The following CDH16 variants were observed in gnomAD, a reference collection of about 807,000 sequenced individuals.
The protein encoded by CDH16 is cadherin 16.
CDH16 carries 79 observed loss-of-function variants against 87.6 expected under a neutral mutation model. That is an observed-to-expected ratio of 0.90 (90% CI 0.75 to 1.09). The LOEUF is 1.09. Ranked by LOEUF, CDH16 falls within the 50% of genes least tolerant of loss-of-function variation. The pLI is 0.00. For synonymous variants in CDH16, 457 were observed against 439.5 expected (o/e 1.04, Z -0.50); for missense variants, 1,124 against 1,071.7 (o/e 1.05, Z -0.68).
chr16:66,915,257 C>T lies in CDH16; in HGVS notation c.546G>A (p.Leu182=). The T allele has an allele frequency of 6.2e-7, 1 of 1,613,476 alleles. No homozygotes were observed. Among genetic ancestry groups the T allele is most frequent in the Non-Finnish European group, 8.5e-7 (1 of 1,179,896 alleles). The change falls in exon 6 of 18, where the codon CTG becomes CTA. Residue 182 remains leucine, a synonymous_variant. Coordinates refer to ENST00000299752, the MANE Select transcript of CDH16 (RefSeq NM_004062.4). ...GGGCCAGAGCCCCCAGCCGAGGCTC[C>T]AGCTGGAACATGTCTGGGGAAGGCT... The part of the protein sequence containing the change: ...PAQPSPDMFQ[L]EPRLGALALS...
At position 66,912,875 on chromosome 16, in the gene CDH16, T is replaced by C. The variant is rs1962496206; in HGVS notation, c.1071A>G (p.Arg357=). 1 of 1,611,058 alleles carries C rather than the reference T, an allele frequency of 6.2e-7. No individual in the cohort carries two copies. Among genetic ancestry groups the C allele is most frequent in the African/African-American group, 1.3e-5 (1 of 74,868 alleles). The change falls in exon 10 of 18, where the codon AGA becomes AGG. Residue 357 remains arginine (R), a synonymous_variant. Transcript: ENST00000299752. ...ELSPPGTEVT[R]LSAEDADAPG... The stretch of plus-strand genomic sequence containing the variant: ...GGGCATCTGCATCCTCTGCTGACAG[T>C]CTAGTCACTTCAGTACCTGCCAAGA...
Position 66,909,220 on chromosome 16 carries a change from A to G in CDH16, c.2392+47T>C. On this transcript the variant is annotated intron_variant, in intron 17 of 17. Coordinates refer to ENST00000299752, the MANE Select transcript of CDH16 (RefSeq NM_004062.4). This position sits in a 1 kb window ranked among gnomAD's most constrained non-coding sequence, Gnocchi z 4.1. ...TGTTTATTTGGAGGCTGTGGTCCCAACCACCCATCGCCCTCGCCCACGCAG... is the reference window on the plus strand; with the variant it reads ...TGTTTATTTGGAGGCTGTGGTCCCAGCCACCCATCGCCCTCGCCCACGCAG... 1 of 1,220,242 alleles carries G rather than the reference A, an allele frequency of 8.2e-7. No individual in the cohort carries two copies. The highest frequency in any genetic ancestry group is 1.2e-6 in the Non-Finnish European group (1 of 820,764). 75.6% of individuals were successfully genotyped at this position (1,220,242 alleles called of 1,614,324 possible). A position where few individuals can be genotyped will look rare whatever the true frequency, so the allele number is the denominator to read the frequency against.
chr16:66,910,629 C>T, intron 14 of CDH16, 127 bp from the exon 15 acceptor site: 2 of 1,002,172 alleles, frequency 2.0e-6, no homozygotes, highest in Non-Finnish European at 2.7e-6. Context: ...TCCCTCCATG[C>T]TTCTCTCCAC....
chr16:66,918,116 T>TA (rs1962770638), intron 1 of CDH16, 38 bp from the exon 2 acceptor site: 1 of 1,452,098 alleles, frequency 6.9e-7, no homozygotes, highest in African/African-American at 1.4e-5. Flanking sequence ...CCCAGGTGGG[T>TA]AGGGAGGGGC....
chr16:66,911,422 A>G, intron 13 of CDH16, 107 bp from the exon 14 acceptor site: 1 of 1,167,036 alleles, frequency 8.6e-7, no homozygotes, highest in Non-Finnish European at 1.2e-6. Flanking sequence ...CCTCTCTGTG[A>G]CTCAGGGGCC....
chr16:66,918,468 T>G (rs1962788132), intron 1 of CDH16, among the ~76,000 whole-genome samples: 2 of 152,260 alleles, frequency 1.3e-5, no homozygotes, highest in Non-Finnish European at 2.9e-5. Flanking sequence ...CACCTCTTGT[T>G]GCAGGCAAGG....
intron 2 of CDH16, 22 bp from the exon 3 acceptor site, chr16:66,917,747 G>A (rs751193445): frequency 6.3e-7 from 1 of 1,587,778 alleles, no homozygotes; most frequent in Non-Finnish European, 8.6e-7. Flanking sequence ...TTCTCACCTT[G>A]TCACCAGGCT....
chr16:66,913,691 A>G, intron 7 of CDH16, 78 bp from the exon 8 acceptor site: 1 of 1,562,708 alleles, frequency 6.4e-7, no homozygotes, highest in Non-Finnish European at 8.7e-7. Flanking sequence ...CTCGTTGAGG[A>G]GCCTGAGCCC....
rs746276462 is a variant in CDH16, at chr16:66,910,458, G to C, written c.1969C>G (p.Leu657Val). ...AGGGCTGGGGCAGGAGGGGCCTTTA[G>C]GAAGTGGATCACCAGGGGTGCAGAA... ...SASAPLVIHF[L>V]KAPPAPALTL... is the part of the protein sequence containing the mutation. The change falls in exon 15 of 18, where the codon CTA (leucine) becomes GTA (valine). Residue 657 changes from leucine to valine, a missense_variant. Transcript: ENST00000299752. The C allele has an allele frequency of 6.4e-7, 1 of 1,569,604 alleles. No individual in the cohort carries two copies. The highest frequency in any genetic ancestry group is 8.7e-7 in the Non-Finnish European group (1 of 1,154,022).
intron 13 of CDH16, among the ~76,000 whole-genome samples, chr16:66,911,599 CAG>C (rs529004583): frequency 1.7e-4 from 26 of 152,300 alleles, no homozygotes; most frequent in South Asian, 8.3e-4. Context: ...GCAAGGGAAT[CAG>C]AGTCTATGAA....
At chr16:66,913,047 G>A (rs1962503925) in intron 9 of CDH16, 84 bp downstream of exon 9, 2 of 1,446,628 alleles carry the variant, frequency 1.4e-6, no homozygotes, top group Non-Finnish European at 1.9e-6. Context: ...TGACATGGGG[G>A]CCTGAGGCTG....
chr16:66,909,374 C>T lies in CDH16; in HGVS notation c.2285G>A (p.Cys762Tyr). Residue 762 changes from cysteine to tyrosine, a missense_variant, in exon 17 of 18, where the codon TGT becomes TAT. Physicochemically the swap from Cys to Tyr is radical, Grantham distance 194 (BLOSUM62 -2). Transcript: ENST00000299752. The surrounding 1 kb of genome is among the most constrained non-coding windows in gnomAD (Gnocchi z 4.1). The part of the protein sequence containing the change: ...MWQLLVRVIV[C>Y]RCNVEGQCMR... ...GCACTGCCCCTCCACGTTGCAGCGA[C>T]ACACGATCACTGAGGGGAGAGGGGA... 6.3e-7 allele frequency: 1 copy of T among 1,584,366 alleles called. No individual in the cohort carries two copies. Among genetic ancestry groups the T allele is most frequent in the Non-Finnish European group, 8.6e-7 (1 of 1,158,554 alleles).
chr16:66,916,833 G>A lies in CDH16; in HGVS notation c.130-404C>T, dbSNP rs1035735699. On this transcript the variant is annotated intron_variant, in intron 3 of 17. Coordinates refer to ENST00000299752, the MANE Select transcript of CDH16 (RefSeq NM_004062.4). The surrounding 1 kb of genome is among the most constrained non-coding windows in gnomAD (Gnocchi z 4.1). The stretch of plus-strand genomic sequence containing the variant: ...TATGATGTGACAAGTACAGAATGCC[G>A]CATCTGACCTCATGTGACAGGTCAC... Among the ~76,000 whole-genome samples, 15 of 152,300 alleles carry A rather than the reference G, an allele frequency of 9.8e-5. No individual in the cohort carries two copies. Among genetic ancestry groups the A allele is most frequent in the Middle Eastern group, 3.4e-3 (1 of 294 alleles).
rs746594234 is a variant in CDH16, at chr16:66,912,738, C to G, written c.1208G>C (p.Gly403Ala). 9 of 1,613,694 alleles carry G rather than the reference C, an allele frequency of 5.6e-6. No individual in the cohort carries two copies. The Admixed American group carries it at 1.5e-4, about 27-fold the overall frequency. ...VDPTSGSVTL[G>A]VLPLRAGQNI... Reference sequence around the variant, plus strand: ...CTGGCCTGCTCGGAGTGGGAGCACCCCCAGCGTCACACTGCCTGAAGTGGG... The same window carrying G: ...CTGGCCTGCTCGGAGTGGGAGCACCGCCAGCGTCACACTGCCTGAAGTGGG... Residue 403 changes from glycine to alanine, a missense_variant, in exon 10 of 18, where the codon GGG (glycine) becomes GCG (alanine). Transcript: ENST00000299752.
rs1338979281 is a variant in CDH16 at position 66,911,244 on chromosome 16, T to A, written c.1862A>T (p.Gln621Leu). The A allele has an allele frequency of 6.2e-7, 1 of 1,613,402 alleles. No homozygotes were observed. Among genetic ancestry groups the A allele is most frequent in the South Asian group, 1.1e-5 (1 of 90,952 alleles). ...EKFSGEVHTA[Q>L]SLQGAQPGDT... Reference sequence around the variant, plus strand: ...CCCAGGCTGGGCGCCCTGCAGGGACTGGGCGGTGTGCACCTCCCCGGAGAA... The same window carrying A: ...CCCAGGCTGGGCGCCCTGCAGGGACAGGGCGGTGTGCACCTCCCCGGAGAA... Residue 621 changes from glutamine to leucine, a missense_variant, in exon 14 of 18, where the codon CAG becomes CTG. Gln to Leu is a moderately radical substitution (Grantham distance 113, BLOSUM62 -2). Coordinates refer to ENST00000299752, the MANE Select transcript of CDH16 (RefSeq NM_004062.4).
rs1237683904 is a variant in CDH16 at position 66,914,379 on chromosome 16, G to T, written c.617C>A (p.Thr206Asn). Residue 206 changes from threonine (T) to asparagine (N), a missense_variant, in exon 7 of 18, where the codon ACC becomes AAC. Thr to Asn is a moderately conservative substitution (Grantham distance 65). Coordinates refer to ENST00000299752, the MANE Select transcript of CDH16 (RefSeq NM_004062.4). ...STSLDHALER[T>N]YQLLVQVKDM... is the part of the protein sequence containing the mutation. ...CTTGACCTGTACCAACAGCTGGTAGGTCCTCTCCAGGGCGTGGTCAAGGCT... is the reference window on the plus strand; with the variant it reads ...CTTGACCTGTACCAACAGCTGGTAGTTCCTCTCCAGGGCGTGGTCAAGGCT... 6.2e-7 allele frequency: 1 copy of T among 1,614,182 alleles called. No individual in the cohort carries two copies. The highest frequency in any genetic ancestry group is 8.5e-7 in the Non-Finnish European group (1 of 1,180,008).
At position 66,910,410 on chromosome 16, in the gene CDH16, G is replaced by A; in HGVS notation, c.2017C>T (p.Gln673Ter). ...PALTLAPVPS[Q>*]YLCTPRQDHG... ...TCTTGGCGGGGTGTGCAGAGGTATT[G>A]GGAGGGCACAGGGGCAAGAGTCAGG... The change falls in exon 15 of 18, where the codon CAA (glutamine) becomes TAA (stop). Residue 673 changes from glutamine (Q) to a stop codon, truncating the protein, a stop_gained. Transcript: ENST00000299752. LOFTEE classifies it high-confidence loss of function. The A allele has an allele frequency of 2.5e-6, 4 of 1,610,258 alleles. No homozygotes were observed. Among genetic ancestry groups the A allele is most frequent in the Middle Eastern group, 1.7e-4 (1 of 6,038 alleles).
At chr16:66,918,172 T>C in intron 1 of CDH16, 94 bp from the exon 2 acceptor site, 1 of 794,312 alleles carries the variant, frequency 1.3e-6, no homozygotes, top group Non-Finnish European at 1.9e-6. Context: ...TGCAGACTAG[T>C]CTTCTCTTCC....
At chr16:66,913,915 CG>C (rs1311438039) in intron 7 of CDH16, among the ~76,000 whole-genome samples, 2 of 152,210 alleles carry the variant, frequency 1.3e-5, no homozygotes, top group African/African-American at 4.8e-5. Context: ...ATTCCTGGCC[CG>C]GGGTGACAAT....
Sources: allele counts gnomAD v4.1 joint callset (sites outside exome capture counted in the v4.1 genomes callset), GRCh38; gene constraint gnomAD v4.1.1; non-coding constraint Gnocchi (gnomAD v3.1); transcripts MANE v1.5; gene names NCBI Gene and HGNC (gene_info 2026-07-23, HGNC 2026-07-21).